The following STK24 variants were observed in gnomAD, a reference collection of about 807,000 sequenced individuals.
STK24 encodes serine/threonine-protein kinase 24.
A neutral mutation model predicts 55.6 loss-of-function variants in STK24; 21 were observed. That is an observed-to-expected ratio of 0.38 (90% CI 0.27 to 0.54). The LOEUF (loss-of-function observed/expected upper bound fraction) is 0.54. STK24 is among the 20% of genes least tolerant of loss of function. STK24 has a pLI of 0.79. For missense variants in STK24, 383 were observed against 538.4 expected (o/e 0.71, Z 2.86); for synonymous variants, 200 against 215.2 (o/e 0.93, Z 0.62).
intron 1 of STK24, among the ~76,000 whole-genome samples, chr13:98,561,977 CAAAAAAAAAAAAAA>C (rs10564690): frequency 0.029 from 1,559 of 53,672 alleles, 29 homozygotes; most frequent in Middle Eastern, 0.095. Flanking sequence ...GACTCCGTCT[CAAAAAAAAAAAAAA>C]AAAAAAAAAA....
At chr13:98,531,145 G>C (rs1594645174) in intron 1 of STK24, among the ~76,000 whole-genome samples, 2 of 152,200 alleles carry the variant, frequency 1.3e-5, no homozygotes, top group South Asian at 4.1e-4. Flanking sequence ...GGAAGGAATA[G>C]TGAACAATTT....
At chr13:98,525,503 C>A (rs549164704) in intron 1 of STK24, among the ~76,000 whole-genome samples, 1 of 152,270 alleles carries the variant, frequency 6.6e-6, no homozygotes, top group Non-Finnish European at 1.5e-5. Context: ...GGGATGGGGG[C>A]GGGGATGGGA....
Position 98,451,944 on chromosome 13 carries a change from C to T in STK24, c.*1229G>A, listed in dbSNP as rs1893216241. The stretch of plus-strand genomic sequence containing the variant: ...CAACCGCTACAGCAATCGCACAGAT[C>T]AGCAACCTCCAACTGCATCATCTCG... On this transcript the variant is annotated 3_prime_UTR_variant, in exon 11 of 11. Coordinates refer to ENST00000539966, the MANE Select transcript of STK24 (RefSeq NM_001032296.4). 1.3e-5 allele frequency: 2 copies of T among 152,246 alleles called. No individual in the cohort carries two copies. 9.4% of individuals were successfully genotyped at this position (152,246 alleles called of 1,614,324 possible). A position where few individuals can be genotyped will look rare whatever the true frequency, so the allele number is the denominator to read the frequency against.
intron 1 of STK24, among the ~76,000 whole-genome samples, chr13:98,562,743 G>A (rs1468500710): frequency 6.6e-6 from 1 of 151,620 alleles, no homozygotes; most frequent in East Asian, 1.9e-4. Flanking sequence ...GTGAAACCCC[G>A]TCTCTACTAA....
At chr13:98,565,113 T>C (rs148591896) in intron 1 of STK24, among the ~76,000 whole-genome samples, 414 of 152,358 alleles carry the variant, frequency 2.7e-3, no homozygotes, top group Non-Finnish European at 4.8e-3. Context: ...GGCTACTGTG[T>C]GCTTCACTAG....
At position 98,449,448 on chromosome 13, in the gene STK24, G is replaced by GGGGT. The variant is rs958569134; in HGVS notation, c.*3721_*3724dup. Reference sequence around the variant, plus strand: ...ACGTCTGCCTGTTCTCGATGGTGATGGGGTGGCTGCCATTCCCTTGGTTTT... The same window carrying GGGGT: ...ACGTCTGCCTGTTCTCGATGGTGATGGGGTGGGTGGCTGCCATTCCCTTGGTTTT... On this transcript the variant is annotated 3_prime_UTR_variant, in exon 11 of 11. Coordinates refer to ENST00000539966, the MANE Select transcript of STK24 (RefSeq NM_001032296.4). 1 of 152,200 alleles carries GGGGT rather than the reference G, an allele frequency of 6.6e-6. No individual in the cohort carries two copies. Among genetic ancestry groups the GGGGT allele is most frequent in the African/African-American group, 2.4e-5 (1 of 41,426 alleles). 9.4% of individuals were successfully genotyped at this position (152,200 alleles called of 1,614,324 possible). A position where few individuals can be genotyped will look rare whatever the true frequency, so the allele number is the denominator to read the frequency against.
chr13:98,565,954 T>C (rs1286230230), intron 1 of STK24, among the ~76,000 whole-genome samples: 1 of 152,228 alleles, frequency 6.6e-6, no homozygotes, highest in Non-Finnish European at 1.5e-5. Flanking sequence ...CCCGGTGGGC[T>C]GAAGGCCCAG....
At chr13:98,537,645 G>A (rs577784244) in intron 1 of STK24, among the ~76,000 whole-genome samples, 3 of 152,248 alleles carry the variant, frequency 2.0e-5, no homozygotes, top group South Asian at 2.1e-4. Flanking sequence ...ACGTGCACCC[G>A]TAAGTACAGA....
chr13:98,480,495 C>A (rs7994160), intron 3 of STK24, among the ~76,000 whole-genome samples: 76,203 of 152,012 alleles, frequency 0.5, 19,678 homozygotes, highest in Non-Finnish European at 0.58. Context: ...TGGAAAGGAA[C>A]CAAAATAAGT....
chr13:98,523,128 G>GC (rs1376846357), intron 1 of STK24, among the ~76,000 whole-genome samples: 1 of 152,202 alleles, frequency 6.6e-6, no homozygotes, highest in African/African-American at 2.4e-5. Flanking sequence ...GGGAGATGCT[G>GC]CTGGTCCAGG....
intron 2 of STK24, among the ~76,000 whole-genome samples, chr13:98,498,474 C>T (rs1389209723): frequency 6.6e-6 from 1 of 152,226 alleles, no homozygotes; most frequent in Non-Finnish European, 1.5e-5. Context: ...TGACAAGTTA[C>T]AAGTTGACCT....
Position 98,450,814 on chromosome 13 carries a change from C to G in STK24, c.*2359G>C, listed in dbSNP as rs1454818670. On this transcript the variant is annotated 3_prime_UTR_variant, in exon 11 of 11. Transcript: ENST00000539966. ...TAATGCAGGCCTGGAAGTGGCGACA[C>G]AAAAGCCAGCTTCCTTGGCTAAGAT... is the stretch of plus-strand genomic sequence containing the variant. 3.9e-5 allele frequency: 6 copies of G among 152,262 alleles called. No homozygotes were observed. Among genetic ancestry groups the G allele is most frequent in the Non-Finnish European group, 8.8e-5 (6 of 68,060 alleles). 9.4% of individuals were successfully genotyped at this position (152,262 alleles called of 1,614,324 possible).
At chr13:98,491,292 G>C (rs764771483) in intron 2 of STK24, among the ~76,000 whole-genome samples, 29 of 152,106 alleles carry the variant, frequency 1.9e-4, no homozygotes, top group Non-Finnish European at 3.7e-4. Flanking sequence ...GTATGAGCAT[G>C]GGGTAGGGGG....
intron 3 of STK24, among the ~76,000 whole-genome samples, chr13:98,476,247 C>CCG (rs1555303369): frequency 6.8e-5 from 10 of 147,414 alleles, no homozygotes; most frequent in Non-Finnish European, 1.1e-4. Context: ...GAAGCCCCCC[C>CCG]CCGCCCCCTG....
intron 3 of STK24, among the ~76,000 whole-genome samples, chr13:98,475,957 C>G (rs1380749640): frequency 6.6e-6 from 1 of 152,160 alleles, no homozygotes; most frequent in Non-Finnish European, 1.5e-5. Context: ...GCAGTTAAAG[C>G]TCCCCAACTT....
intron 9 of STK24, among the ~76,000 whole-genome samples, chr13:98,457,859 G>C (rs989088011): frequency 1.3e-5 from 2 of 152,168 alleles, no homozygotes; most frequent in African/African-American, 4.8e-5. Context: ...ATTACTGTTC[G>C]AGGCCAGAAC....
chr13:98,567,351 T>C (rs1334216497), intron 1 of STK24, among the ~76,000 whole-genome samples: 1 of 152,156 alleles, frequency 6.6e-6, no homozygotes. Flanking sequence ...CCACGGAACA[T>C]ACGACCAGAC....
chr13:98,509,484 TCAAAAA>T (rs1172328009), intron 2 of STK24, among the ~76,000 whole-genome samples: 2 of 149,768 alleles, frequency 1.3e-5, no homozygotes, highest in Non-Finnish European at 2.9e-5. Context: ...CAACAGTTCC[TCAAAAA>T]CAAAAAAAAA....
chr13:98,541,450 CTAAT>C (rs1896887881), intron 1 of STK24, among the ~76,000 whole-genome samples: 1 of 152,122 alleles, frequency 6.6e-6, no homozygotes, highest in African/African-American at 2.4e-5. Flanking sequence ...CAGTGTTTTC[CTAAT>C]GGCAGTATTA....
Sources: allele counts gnomAD v4.1 joint callset (sites outside exome capture counted in the v4.1 genomes callset), GRCh38; gene constraint gnomAD v4.1.1; transcripts MANE v1.5; gene names NCBI Gene and HGNC (gene_info 2026-07-23, HGNC 2026-07-21).